ARHGEF28: variants seen among roughly 807,000 people sequenced by gnomAD.
The protein encoded by ARHGEF28 is 190 kDa guanine nucleotide exchange factor.
In ARHGEF28, 152 loss-of-function variants were observed where a neutral mutation model predicts 206.6. The ratio of observed to expected loss-of-function variants is 0.74; its 90% CI spans 0.64 to 0.84. The LOEUF (loss-of-function observed/expected upper bound fraction) is 0.84, where lower values mean the gene tolerates loss of function less well. ARHGEF28 is among the 40% of genes least tolerant of loss of function. The probability of loss-of-function intolerance (pLI) is 0.00; values close to 1 mark genes in which losing one functional copy is unlikely to be tolerated. For synonymous variants in ARHGEF28, 763 were observed against 776.4 expected (o/e 0.98, Z 0.29); for missense variants, 2,028 against 2,073.2 (o/e 0.98, Z 0.42).
At chr5:73,848,022 A>G (rs1758471196) in intron 12 of ARHGEF28, among the ~76,000 whole-genome samples, 1 of 152,232 alleles carries the variant, frequency 6.6e-6, no homozygotes, top group Non-Finnish European at 1.5e-5. Flanking sequence ...GAAACAAAAG[A>G]GACCAGTGCT....
At chr5:73,898,200 A>G (rs1227433568) in intron 30 of ARHGEF28, 107 bp downstream of exon 30, 2 of 1,357,114 alleles carry the variant, frequency 1.5e-6, no homozygotes, top group Admixed American at 5.5e-5. Context: ...AGGGGACTTG[A>G]TATATTTTTT....
chr5:73,659,998 C>T (rs1189868874), intron 1 of ARHGEF28, among the ~76,000 whole-genome samples: 2 of 151,926 alleles, frequency 1.3e-5, no homozygotes, highest in African/African-American at 4.8e-5. Flanking sequence ...TAAAATAAGA[C>T]AGTCATGAAG....
intron 1 of ARHGEF28, among the ~76,000 whole-genome samples, chr5:73,643,721 G>A (rs1744258232): frequency 6.6e-6 from 1 of 151,390 alleles, no homozygotes; most frequent in Non-Finnish European, 1.5e-5. Flanking sequence ...AGGCTGAGAT[G>A]TGAGGATCGC....
At chr5:73,709,355 C>T (rs1749115610) in intron 2 of ARHGEF28, among the ~76,000 whole-genome samples, 1 of 152,158 alleles carries the variant, frequency 6.6e-6, no homozygotes, top group African/African-American at 2.4e-5. Context: ...AAACCCTGCT[C>T]CCACCTCTAA....
Position 73,909,608 on chromosome 5 carries a change from G to A in ARHGEF28, c.4358G>A (p.Arg1453His), listed in dbSNP as rs139349480. The change falls in exon 34 of 36, where the codon CGC (arginine) becomes CAC (histidine). Residue 1453 changes from arginine to histidine, a missense_variant. Physicochemically the swap from Arg to His is conservative, Grantham distance 29 (BLOSUM62 0). Around this residue, in one of 3 missense-constraint regions of ARHGEF28, gnomAD observed 803 missense variants for 768.0 expected, o/e 1.05. Transcript: ENST00000513042. ...CACCAGCTCCAGCAGGAGCAGCGGC[G>A]CTGGCTGCGCAGGTGTGAGCAGCAG... Reference protein sequence around the residue: ...LQHQLQQEQRRWLRRCEQQQR... With the variant: ...LQHQLQQEQRHWLRRCEQQQR... The A allele has an allele frequency of 1.3e-5, 20 of 1,553,270 alleles. No homozygotes were observed. Among genetic ancestry groups the A allele is most frequent in the African/African-American group, 8.2e-5 (6 of 73,322 alleles).
chr5:73,857,852 A>C, intron 15 of ARHGEF28, 73 bp downstream of exon 15: 1 of 1,499,016 alleles, frequency 6.7e-7, no homozygotes, highest in Non-Finnish European at 9.0e-7. Flanking sequence ...TATAATTTCC[A>C]CTTTCCCTTT....
intron 9 of ARHGEF28, among the ~76,000 whole-genome samples, chr5:73,806,971 A>G (rs913642165): frequency 1.3e-5 from 2 of 148,888 alleles, no homozygotes; most frequent in Non-Finnish European, 1.5e-5. Context: ...TATATAAAAT[A>G]TAGTCAGTTA....
At chr5:73,637,629 C>G (rs1280711690) in intron 1 of ARHGEF28, among the ~76,000 whole-genome samples, 1 of 152,146 alleles carries the variant, frequency 6.6e-6, no homozygotes, top group East Asian at 1.9e-4. Context: ...GAGTTCTTTC[C>G]AAAGCTTTTT....
chr5:73,670,505 T>C (rs1166657910), intron 1 of ARHGEF28, among the ~76,000 whole-genome samples: 2 of 152,200 alleles, frequency 1.3e-5, no homozygotes, highest in African/African-American at 4.8e-5. Flanking sequence ...ATTTTATTTC[T>C]CCAAGGAGAA....
At chr5:73,825,115 A>G (rs1756827059) in intron 9 of ARHGEF28, among the ~76,000 whole-genome samples, 1 of 152,250 alleles carries the variant, frequency 6.6e-6, no homozygotes, top group Admixed American at 6.5e-5. Context: ...CTGTCTTTGC[A>G]GTTGCTGTTC....
chr5:73,640,536 A>G (rs190781760), intron 1 of ARHGEF28, among the ~76,000 whole-genome samples: 38 of 152,340 alleles, frequency 2.5e-4, no homozygotes, highest in Admixed American at 5.9e-4. Flanking sequence ...AAATTAAACA[A>G]AAAAGAAGAA....
At chr5:73,699,335 C>A (rs567222169) in intron 2 of ARHGEF28, among the ~76,000 whole-genome samples, 3 of 151,776 alleles carry the variant, frequency 2.0e-5, no homozygotes, top group Admixed American at 2.0e-4. Flanking sequence ...TTCAGCCCTT[C>A]CTTCTTTTGT....
chr5:73,840,348 C>G (rs1757908158), intron 10 of ARHGEF28, 132 bp from the exon 11 acceptor site: 1 of 804,430 alleles, frequency 1.2e-6, no homozygotes, highest in African/African-American at 1.7e-5. Flanking sequence ...CTCCTGACCT[C>G]AAGTGATCTG....
chr5:73,835,642 T>C (rs1311078717), intron 10 of ARHGEF28, among the ~76,000 whole-genome samples: 1 of 152,136 alleles, frequency 6.6e-6, no homozygotes, highest in Non-Finnish European at 1.5e-5. Flanking sequence ...TCTTTTGTAA[T>C]ATTCACTATA....
intron 4 of ARHGEF28, among the ~76,000 whole-genome samples, chr5:73,765,900 C>G (rs939233453): frequency 1.3e-5 from 2 of 152,132 alleles, no homozygotes; most frequent in Non-Finnish European, 2.9e-5. Context: ...CGCCTGTAAT[C>G]CCAGCACTTT....
chr5:73,726,373 C>T (rs532940423), intron 2 of ARHGEF28, among the ~76,000 whole-genome samples: 18 of 152,236 alleles, frequency 1.2e-4, no homozygotes, highest in Middle Eastern at 3.4e-3. Context: ...TTATCTAAAA[C>T]CAAGCTGTAG....
At chr5:73,685,779 C>G (rs1285528808) in intron 2 of ARHGEF28, among the ~76,000 whole-genome samples, 1 of 152,038 alleles carries the variant, frequency 6.6e-6, no homozygotes, top group Non-Finnish European at 1.5e-5. Context: ...CATGCCACCA[C>G]GCCTGGCTAA....
intron 4 of ARHGEF28, among the ~76,000 whole-genome samples, chr5:73,769,169 A>T (rs188143251): frequency 9.9e-5 from 15 of 152,226 alleles, no homozygotes; most frequent in African/African-American, 3.6e-4. Flanking sequence ...CAGAAAAAAT[A>T]TTTTACCCTG....
At chr5:73,906,302 G>A (rs933527950) in intron 33 of ARHGEF28, among the ~76,000 whole-genome samples, 15 of 152,020 alleles carry the variant, frequency 9.9e-5, no homozygotes, top group Non-Finnish European at 1.6e-4. Context: ...GCAGTGGCAC[G>A]ATCTCAACTC....
Sources: allele counts gnomAD v4.1 joint callset (sites outside exome capture counted in the v4.1 genomes callset), GRCh38; gene constraint gnomAD v4.1.1; regional missense constraint gnomAD v4.1.1; transcripts MANE v1.5; gene names NCBI Gene and HGNC (gene_info 2026-07-23, HGNC 2026-07-21).